The following DERA variants were observed in gnomAD, a reference collection of about 807,000 sequenced individuals.
DERA encodes the protein deoxyribose-phosphate aldolase, also known as 2-deoxy-D-ribose 5-phosphate aldolase.
DERA carries 15 observed loss-of-function variants against 41.1 expected under a neutral mutation model. The ratio of observed to expected loss-of-function variants is 0.37; its 90% CI spans 0.24 to 0.56. The LOEUF (loss-of-function observed/expected upper bound fraction) is 0.56. Among genes scored for constraint, DERA ranks in the 20% least tolerant of loss-of-function variants. The probability of loss-of-function intolerance (pLI) is 0.81; values close to 1 mark genes in which losing one functional copy is unlikely to be tolerated. For synonymous variants in DERA, 139 were observed against 137.4 expected, an observed-to-expected ratio of 1.01 and a Z score of -0.08; for missense variants, 396 against 403.4, an observed-to-expected ratio of 0.98 and a Z score of 0.16.
Position 15,941,179 on chromosome 12 carries a change from T to C in DERA, c.32-15757T>C, listed in dbSNP as rs1292963797. Among the ~76,000 whole-genome samples the C allele has an allele frequency of 1.3e-5, 2 of 152,202 alleles. No homozygotes were observed. Among genetic ancestry groups the C allele is most frequent in the Non-Finnish European group, 2.9e-5 (2 of 68,038 alleles). On this transcript the variant is annotated intron_variant, in intron 1 of 8. Coordinates refer to ENST00000428559, the MANE Select transcript of DERA (RefSeq NM_015954.4). The surrounding 1 kb of genome is among the most constrained non-coding windows in gnomAD (Gnocchi z 4.5). ...CTAGTGATTTCCCGTACATATTTCA[T>C]GTTCACCTAATCTACAGTAGCGGCT...
At chr12:15,920,978 G>C (rs964812301) in intron 1 of DERA, among the ~76,000 whole-genome samples, 3 of 152,222 alleles carry the variant, frequency 2.0e-5, no homozygotes, top group Non-Finnish European at 2.9e-5. Flanking sequence ...CTGTGGAGTA[G>C]ACCCAGGTTC....
At position 15,996,141 on chromosome 12, in the gene DERA, GACAC is replaced by G. The variant is rs749622311; in HGVS notation, c.637+13713_637+13716del. ...GAAAATTATTTCATATGCAGACACAGACACACACACAGAGCATGTGTGTGTGTGT... is the reference window on the plus strand; with the variant it reads ...GAAAATTATTTCATATGCAGACACAGACACACAGAGCATGTGTGTGTGTGT... On this transcript the variant is annotated intron_variant, in intron 6 of 8. Transcript: ENST00000428559. The surrounding 1 kb of genome is among the most constrained non-coding windows in gnomAD (Gnocchi z 4.7). 9.0e-5 allele frequency among the ~76,000 whole-genome samples: 13 copies of G among 144,216 alleles called. No homozygotes were observed. The South Asian group carries it at 1.2e-3, about 13-fold the overall frequency. The allele number at this position is 144,216 out of a possible 152,430, so 94.6% of individuals were successfully genotyped here.
chr12:15,971,637 G>A (rs752481035), intron 5 of DERA, among the ~76,000 whole-genome samples: 3 of 150,080 alleles, frequency 2.0e-5, no homozygotes, highest in Non-Finnish European at 4.4e-5. Flanking sequence ...CTGCCTCAGC[G>A]TCCCGAGTAG....
At chr12:15,944,906 C>G (rs371820237) in intron 1 of DERA, among the ~76,000 whole-genome samples, 1 of 152,028 alleles carries the variant, frequency 6.6e-6, no homozygotes, top group African/African-American at 2.4e-5. Context: ...TAATTTTTGT[C>G]TAAGGTGTAA....
rs1452158992 is a variant in DERA, at chr12:15,954,999, A to T, written c.32-1937A>T. Among the ~76,000 whole-genome samples the T allele has an allele frequency of 6.7e-6, 1 of 149,904 alleles. No homozygotes were observed. The highest frequency in any genetic ancestry group is 6.7e-5 in the Admixed American group (1 of 15,008). On this transcript the variant is annotated intron_variant, in intron 1 of 8. Coordinates refer to ENST00000428559, the MANE Select transcript of DERA (RefSeq NM_015954.4). This position sits in a 1 kb window ranked among gnomAD's most constrained non-coding sequence, Gnocchi z 4.0. The stretch of plus-strand genomic sequence containing the variant: ...CAGCATTATCAATCATCTGAGGAGA[A>T]AAAAAAAAAGCCTCTTAGGGCTGGG...
In DERA at chr12:15,918,681, C is replaced by T. The variant is rs902550157; in HGVS notation, c.31+7267C>T. On this transcript the variant is annotated intron_variant, in intron 1 of 8. Coordinates refer to ENST00000428559, the MANE Select transcript of DERA (RefSeq NM_015954.4). This position sits in a 1 kb window ranked among gnomAD's most constrained non-coding sequence, Gnocchi z 4.3. Reference sequence around the variant, plus strand: ...GGCAGGGATGCCAAGGTGAGCCTGACTTGGTCTCTGCTTTCCCAGAGCTCA... The same window carrying T: ...GGCAGGGATGCCAAGGTGAGCCTGATTTGGTCTCTGCTTTCCCAGAGCTCA... Among the ~76,000 whole-genome samples the T allele has an allele frequency of 6.6e-6, 1 of 152,166 alleles. No individual in the cohort carries two copies. Among genetic ancestry groups the T allele is most frequent in the East Asian group, 1.9e-4 (1 of 5,186 alleles).
At chr12:16,002,306 A>G (rs972298027) in intron 6 of DERA, among the ~76,000 whole-genome samples, 7 of 151,692 alleles carry the variant, frequency 4.6e-5, no homozygotes, top group African/African-American at 1.7e-4. Context: ...AATTACAAAC[A>G]TAGAAAGAAA....
At chr12:15,937,568 A>G (rs185986865) in intron 1 of DERA, among the ~76,000 whole-genome samples, 28 of 152,328 alleles carry the variant, frequency 1.8e-4, no homozygotes, top group African/African-American at 6.5e-4. Context: ...TTTAGCATCC[A>G]TTGGTAATGC....
rs1415626188 is a variant in DERA, at chr12:15,992,593, T to C, written c.637+10157T>C. Among the ~76,000 whole-genome samples the C allele has an allele frequency of 6.6e-6, 1 of 152,056 alleles. No homozygotes were observed. The highest frequency in any genetic ancestry group is 1.5e-5 in the Non-Finnish European group (1 of 67,982). Reference sequence around the variant, plus strand: ...GGAACTAAAGTAGGAGCAAACAATTTGAAGGGAGTATAATCAGAGAAGAAA... The same window carrying C: ...GGAACTAAAGTAGGAGCAAACAATTCGAAGGGAGTATAATCAGAGAAGAAA... On this transcript the variant is annotated intron_variant, in intron 6 of 8. Transcript: ENST00000428559. The surrounding 1 kb of genome is among the most constrained non-coding windows in gnomAD (Gnocchi z 4.3).
chr12:15,915,416 A>C lies in DERA; in HGVS notation c.31+4002A>C, dbSNP rs1030691408. ...GGGTGATGGTGATTTTCCACTGCAA[A>C]GTTAACGTTTAATTTTTGGAATGGA... On this transcript the variant is annotated intron_variant, in intron 1 of 8. Coordinates refer to ENST00000428559, the MANE Select transcript of DERA (RefSeq NM_015954.4). This position sits in a 1 kb window ranked among gnomAD's most constrained non-coding sequence, Gnocchi z 4.8. Among the ~76,000 whole-genome samples, 1 of 152,120 alleles carries C rather than the reference A, an allele frequency of 6.6e-6. No homozygotes were observed. Among genetic ancestry groups the C allele is most frequent in the South Asian group, 2.1e-4 (1 of 4,828 alleles).
chr12:15,973,030 G>C (rs1948674159), intron 5 of DERA, among the ~76,000 whole-genome samples: 1 of 152,026 alleles, frequency 6.6e-6, no homozygotes, highest in South Asian at 2.1e-4. Context: ...TTGTGGCCGA[G>C]TGCTCTGATT....
rs759525467 is a variant in DERA at position 15,911,691 on chromosome 12, C to T, written c.31+277C>T. 10 of 672,258 alleles carry T rather than the reference C, an allele frequency of 1.5e-5. No individual in the cohort carries two copies. The South Asian group carries it at 1.5e-4, about 10-fold the overall frequency. 41.6% of individuals were successfully genotyped at this position (672,258 alleles called of 1,614,324 possible). A position where few individuals can be genotyped will look rare whatever the true frequency, so the allele number is the denominator to read the frequency against. ...CTTCCTGCCTTTTCGTTCACTCTAG[C>T]TCGCTGGTTGGAAAACCCAACAACC... On this transcript the variant is annotated intron_variant, in intron 1 of 8. Transcript: ENST00000428559. This position sits in a 1 kb window ranked among gnomAD's most constrained non-coding sequence, Gnocchi z 4.5.
At chr12:15,987,702 C>T (rs1010675834) in intron 6 of DERA, among the ~76,000 whole-genome samples, 2 of 152,100 alleles carry the variant, frequency 1.3e-5, no homozygotes. Context: ...TGATTGGTTA[C>T]ATGGATCTTT....
In DERA at chr12:16,011,414, A is replaced by T. The variant is rs2136179399; in HGVS notation, c.638-21128A>T. On this transcript the variant is annotated intron_variant, in intron 6 of 8. Coordinates refer to ENST00000428559, the MANE Select transcript of DERA (RefSeq NM_015954.4). This position sits in a 1 kb window ranked among gnomAD's most constrained non-coding sequence, Gnocchi z 4.7. ...TACCCTAACCTGGTTGAGCATCCCAAATCCAAAAATCTGAAATGTGAAATG... is the reference window on the plus strand; with the variant it reads ...TACCCTAACCTGGTTGAGCATCCCATATCCAAAAATCTGAAATGTGAAATG... 6.6e-6 allele frequency among the ~76,000 whole-genome samples: 1 copy of T among 152,248 alleles called. No individual in the cohort carries two copies. Among genetic ancestry groups the T allele is most frequent in the South Asian group, 2.1e-4 (1 of 4,824 alleles).
intron 6 of DERA, among the ~76,000 whole-genome samples, chr12:16,028,368 C>G (rs1300741334): frequency 6.6e-6 from 1 of 152,132 alleles, no homozygotes; most frequent in Admixed American, 6.5e-5. Context: ...ATTATAAACC[C>G]AAGTGTAAAA....
intron 6 of DERA, among the ~76,000 whole-genome samples, chr12:15,986,017 T>G (rs1190675237): frequency 6.6e-6 from 1 of 152,142 alleles, no homozygotes; most frequent in East Asian, 1.9e-4. Context: ...TCATCATGTA[T>G]TTTGGAGCTC....
At position 15,989,075 on chromosome 12, in the gene DERA, T is replaced by TC. The variant is rs1948784963; in HGVS notation, c.637+6642dup. On this transcript the variant is annotated intron_variant, in intron 6 of 8. Transcript: ENST00000428559. The surrounding 1 kb of genome is among the most constrained non-coding windows in gnomAD (Gnocchi z 5.2). The stretch of plus-strand genomic sequence containing the variant: ...TCTGAGCCTGCAGGGGTAGAGGGCT[T>TC]CCCAGGCTTCTAAGAGCACAGGAAT... 6.6e-6 allele frequency among the ~76,000 whole-genome samples: 1 copy of TC among 152,174 alleles called. No individual in the cohort carries two copies. The highest frequency in any genetic ancestry group is 1.5e-5 in the Non-Finnish European group (1 of 68,012).
At chr12:15,947,176 A>G (rs1309571493) in intron 1 of DERA, among the ~76,000 whole-genome samples, 2 of 152,196 alleles carry the variant, frequency 1.3e-5, no homozygotes, top group African/African-American at 4.8e-5. Context: ...AGAGGAATGT[A>G]TAGTCTGTTG....
chr12:15,998,749 AT>A lies in DERA; in HGVS notation c.637+16315del, dbSNP rs1565609700. Among the ~76,000 whole-genome samples, 1 of 152,144 alleles carries A rather than the reference AT, an allele frequency of 6.6e-6. No homozygotes were observed. Among genetic ancestry groups the A allele is most frequent in the Admixed American group, 6.5e-5 (1 of 15,274 alleles). On this transcript the variant is annotated intron_variant, in intron 6 of 8. Transcript: ENST00000428559. This position sits in a 1 kb window ranked among gnomAD's most constrained non-coding sequence, Gnocchi z 4.8. Reference sequence around the variant, plus strand: ...ACCAATTGTTCTAGTAGTTATTTTCATTGCAATGTGCTTATTTGGACCGCTG... The same window carrying A: ...ACCAATTGTTCTAGTAGTTATTTTCATGCAATGTGCTTATTTGGACCGCTG...
Sources: allele counts gnomAD v4.1 joint callset (sites outside exome capture counted in the v4.1 genomes callset), GRCh38; gene constraint gnomAD v4.1.1; non-coding constraint Gnocchi (gnomAD v3.1); transcripts MANE v1.5; gene names NCBI Gene and HGNC (gene_info 2026-07-23, HGNC 2026-07-21).